The following TESK2 variants were observed in gnomAD, a reference collection of about 807,000 sequenced individuals.
TESK2 encodes testis associated actin remodelling kinase 2, also known as dual specificity testis-specific protein kinase 2.
A neutral mutation model predicts 57.1 loss-of-function variants in TESK2; 39 were observed. That is an observed-to-expected ratio of 0.68 (90% CI 0.53 to 0.89). TESK2 has a LOEUF of 0.89. Ranked by LOEUF, TESK2 falls within the 40% of genes least tolerant of loss-of-function variation. The pLI, the probability that TESK2 is intolerant of heterozygous loss-of-function variation, is 0.00. For missense variants in TESK2, 646 were observed against 732.1 expected, an observed-to-expected ratio of 0.88 and a Z score of 1.36; for synonymous variants, 249 against 267.9, an observed-to-expected ratio of 0.93 and a Z score of 0.69.
intron 2 of TESK2, among the ~76,000 whole-genome samples, chr1:45,450,913 C>T (rs1651846257): frequency 6.6e-6 from 1 of 152,140 alleles, no homozygotes. Context: ...AGCAATCCTC[C>T]TGTCTTAGCT....
chr1:45,405,608 G>A (rs941334378), intron 3 of TESK2, among the ~76,000 whole-genome samples: 4 of 150,876 alleles, frequency 2.7e-5, no homozygotes, highest in African/African-American at 7.3e-5. Context: ...TCTGCACAAC[G>A]TGGTGAAACC....
At position 45,457,575 on chromosome 1, in the gene TESK2, C is replaced by G; in HGVS notation, c.211G>C (p.Glu71Gln). ...GAAGACTCACTCACCTTGAACACTT[C>G]AGAAAAGAAGCCAGACCCTATTTTT... ...CEKIGSGFFSEVFKVRHRASG... is the reference protein window; with the variant it reads ...CEKIGSGFFSQVFKVRHRASG... The change falls in exon 2 of 11, where the codon GAA becomes CAA. Residue 71 changes from glutamate (E) to glutamine (Q), a missense_variant. Coordinates refer to ENST00000372086, the MANE Select transcript of TESK2 (RefSeq NM_007170.3). 1 of 1,613,926 alleles carries G rather than the reference C, an allele frequency of 6.2e-7. No homozygotes were observed. The highest frequency in any genetic ancestry group is 8.5e-7 in the Non-Finnish European group (1 of 1,179,936).
intron 4 of TESK2, among the ~76,000 whole-genome samples, chr1:45,364,384 G>A (rs1445093254): frequency 6.6e-6 from 1 of 152,188 alleles, no homozygotes; most frequent in African/African-American, 2.4e-5. Flanking sequence ...AAATTGGACT[G>A]AGACATCTAC....
intron 3 of TESK2, among the ~76,000 whole-genome samples, chr1:45,390,706 G>A (rs1468342960): frequency 4.0e-5 from 6 of 151,062 alleles, no homozygotes; most frequent in Admixed American, 4.0e-4. Context: ...CTCATGAGCA[G>A]CTAGGACTAT....
chr1:45,348,035 G>A (rs1259349659), intron 5 of TESK2, 35 bp from the exon 6 acceptor site: 1 of 1,420,526 alleles, frequency 7.0e-7, no homozygotes, highest in Admixed American at 1.7e-5. Context: ...AAATAATGTG[G>A]CTCAGAAGCG....
At chr1:45,346,827 C>G (rs749351552) in intron 8 of TESK2, 48 bp from the exon 9 acceptor site, 16 of 1,579,652 alleles carry the variant, frequency 1.0e-5, no homozygotes, top group South Asian at 1.0e-4. Context: ...TTAATCCCCC[C>G]ACCCATCCTA....
intron 3 of TESK2, among the ~76,000 whole-genome samples, chr1:45,396,567 C>G (rs565742450): frequency 6.6e-6 from 1 of 151,968 alleles, no homozygotes; most frequent in Non-Finnish European, 1.5e-5. Context: ...CAGCTTACTG[C>G]AACCTCTGCC....
intron 3 of TESK2, among the ~76,000 whole-genome samples, chr1:45,409,805 G>C (rs910718354): frequency 3.3e-5 from 5 of 152,160 alleles, no homozygotes; most frequent in African/African-American, 1.2e-4. Context: ...AGAAGAAAGG[G>C]AATGCGGCAG....
At chr1:45,396,341 C>A (rs1430380333) in intron 3 of TESK2, among the ~76,000 whole-genome samples, 1 of 151,760 alleles carries the variant, frequency 6.6e-6, no homozygotes, top group Non-Finnish European at 1.5e-5. Flanking sequence ...AGTGATCCAC[C>A]CGCCTCAGCC....
chr1:45,382,811 T>C (rs1166885630), intron 4 of TESK2, among the ~76,000 whole-genome samples: 1 of 151,928 alleles, frequency 6.6e-6, no homozygotes, highest in African/African-American at 2.4e-5. Context: ...TGGATTGCAG[T>C]GAGCTGAGAT....
intron 2 of TESK2, among the ~76,000 whole-genome samples, chr1:45,422,469 G>C (rs1650513033): frequency 6.6e-6 from 1 of 151,948 alleles, no homozygotes; most frequent in Non-Finnish European, 1.5e-5. Context: ...TTTGAGACAG[G>C]GTCTCACTGT....
At chr1:45,396,816 T>G (rs1349154102) in intron 3 of TESK2, among the ~76,000 whole-genome samples, 3 of 140,876 alleles carry the variant, frequency 2.1e-5, no homozygotes, top group Non-Finnish European at 4.6e-5. Flanking sequence ...TTTTTTTTTT[T>G]TTTTTTTTTT....
chr1:45,355,221 A>T, intron 5 of TESK2, 82 bp downstream of exon 5: 1 of 1,464,990 alleles, frequency 6.8e-7, no homozygotes, highest in Non-Finnish European at 9.4e-7. Flanking sequence ...CTCTGTGATT[A>T]AATGTTAAAT....
At chr1:45,488,956 A>C (rs1437608376) in intron 1 of TESK2, among the ~76,000 whole-genome samples, 1 of 152,106 alleles carries the variant, frequency 6.6e-6, no homozygotes, top group Admixed American at 6.6e-5. Flanking sequence ...TGAGCTCAGG[A>C]GTTCGAGACC....
At chr1:45,347,094 T>C in intron 7 of TESK2, 32 bp from the exon 8 acceptor site, 2 of 1,601,584 alleles carry the variant, frequency 1.2e-6, no homozygotes, top group Non-Finnish European at 1.7e-6. Flanking sequence ...GTTTCCCTCT[T>C]AATGGGTTGA....
At chr1:45,365,755 T>G (rs1159564414) in intron 4 of TESK2, among the ~76,000 whole-genome samples, 1 of 147,154 alleles carries the variant, frequency 6.8e-6, no homozygotes, top group Non-Finnish European at 1.5e-5. Context: ...CTCAGCTCAC[T>G]GCAACCTCTG....
chr1:45,407,938 A>G (rs950418406), intron 3 of TESK2, among the ~76,000 whole-genome samples: 1 of 152,224 alleles, frequency 6.6e-6, no homozygotes, highest in Non-Finnish European at 1.5e-5. Context: ...CAGGAAATAC[A>G]TAAGTTCTTT....
intron 5 of TESK2, among the ~76,000 whole-genome samples, chr1:45,354,455 T>C (rs1647320539): frequency 6.6e-6 from 1 of 151,898 alleles, no homozygotes; most frequent in African/African-American, 2.4e-5. Context: ...TGAAACCCCA[T>C]CTCTACTAAA....
chr1:45,382,865 T>TC (rs781748810), intron 4 of TESK2, among the ~76,000 whole-genome samples: 4 of 149,802 alleles, frequency 2.7e-5, no homozygotes, highest in Admixed American at 6.6e-5. Flanking sequence ...TGAAACTCCG[T>TC]CCCCCCAAAA....
Sources: gnomAD v4.1 joint callset for allele counts (sites outside exome capture counted in the v4.1 genomes callset) on GRCh38, gnomAD v4.1.1 for gene constraint, MANE v1.5 for transcripts, NCBI Gene and HGNC (gene_info 2026-07-23, HGNC 2026-07-21) for gene names.